TARS1: variants seen among roughly 807,000 people sequenced by gnomAD.
TARS1 encodes the protein threonine--tRNA ligase 1, cytoplasmic.
In TARS1, 57 loss-of-function variants were observed where a neutral mutation model predicts 97.7. The ratio of observed to expected loss-of-function variants is 0.58; its 90% CI spans 0.47 to 0.73. The LOEUF (loss-of-function observed/expected upper bound fraction) is 0.73. TARS1 is among the 30% of genes least tolerant of loss of function. The probability of loss-of-function intolerance (pLI) is 0.00; values close to 1 mark genes in which losing one functional copy is unlikely to be tolerated. For synonymous variants in TARS1, 312 were observed against 293.7 expected, an observed-to-expected ratio of 1.06 and a Z score of -0.64; for missense variants, 806 against 888.3, an observed-to-expected ratio of 0.91 and a Z score of 1.18.
chr5:33,460,708 T>C (rs972642600), intron 11 of TARS1, among the ~76,000 whole-genome samples, 194 bp from the exon 12 acceptor site: 2 of 152,250 alleles, frequency 1.3e-5, no homozygotes, highest in Admixed American at 1.3e-4. Context: ...CTGTGGTTCA[T>C]TGAGTTATAA....
At chr5:33,458,408 A>G (rs1158670786) in intron 9 of TARS1, among the ~76,000 whole-genome samples, 158 bp from the exon 10 acceptor site, 1 of 152,212 alleles carries the variant, frequency 6.6e-6, no homozygotes, top group Non-Finnish European at 1.5e-5. Context: ...CTATAACATC[A>G]GAAACACTGA....
Position 33,455,640 on chromosome 5 carries a change from T to C in TARS1, c.629T>C (p.Ile210Thr), listed in dbSNP as rs967459915. The C allele has an allele frequency of 6.2e-7, 1 of 1,613,150 alleles. No homozygotes were observed. The highest frequency in any genetic ancestry group is 8.5e-7 in the Non-Finnish European group (1 of 1,179,368). ...SSLEALCKKI[I>T]KEKQAFERLE... ...CTGGAGGCTTTGTGTAAGAAAATCA[T>C]TAAAGAAAAACAAGCTTTTGAAAGA... Residue 210 changes from isoleucine to threonine, a missense_variant, in exon 6 of 19, where the codon ATT becomes ACT. This residue lies in a region of TARS1 where 356 missense variants were observed against 357.8 expected (regional missense o/e 0.99). Transcript: ENST00000265112.
At chr5:33,456,637 CAA>C (rs1223767277) in intron 8 of TARS1, among the ~76,000 whole-genome samples, 7 of 152,246 alleles carry the variant, frequency 4.6e-5, no homozygotes, top group Non-Finnish European at 5.9e-5. Context: ...CACTTTAAAT[CAA>C]GAGAATAATT....
At chr5:33,454,923 C>T (rs764678424) in intron 4 of TARS1, 22 bp from the exon 5 acceptor site, 3 of 1,611,190 alleles carry the variant, frequency 1.9e-6, no homozygotes, top group African/African-American at 1.3e-5. Context: ...TCAGACCATG[C>T]CATTTTTCTT....
In TARS1 at chr5:33,463,777, G is replaced by A. The variant is rs1294250459; in HGVS notation, c.1860G>A (p.Gln620=). The A allele has an allele frequency of 6.2e-7, 1 of 1,612,530 alleles. No individual in the cohort carries two copies. The highest frequency in any genetic ancestry group is 2.2e-5 in the East Asian group (1 of 44,866). ...GKWPFWLSPR[Q]VMVVPVGPTC... ...GGCCCTTTTGGCTGTCCCCTCGCCA[G>A]GTAATGGTAGTTCCAGTGGGACCAA... is the stretch of plus-strand genomic sequence containing the variant. The change falls in exon 17 of 19, where the codon CAG becomes CAA. Residue 620 remains glutamine (Q), a synonymous_variant. Coordinates refer to ENST00000265112, the MANE Select transcript of TARS1 (RefSeq NM_152295.5).
rs367801998 is a variant in TARS1, at chr5:33,466,875, G to T, written c.1913G>T (p.Arg638Leu). The T allele has an allele frequency of 6.3e-6, 10 of 1,594,084 alleles. No homozygotes were observed. The East Asian group carries it at 1.8e-4, about 29-fold the overall frequency. Residue 638 changes from arginine (R) to leucine (L), a missense_variant, in exon 18 of 19, where the codon CGA (arginine) becomes CTA (leucine). Transcript: ENST00000265112. ...TCTGTATCTCTGTTACAATAGGTACGACAACAATTCCACGATGCCAAATTC... is the reference window on the plus strand; with the variant it reads ...TCTGTATCTCTGTTACAATAGGTACTACAACAATTCCACGATGCCAAATTC... ...PTCDEYAQKV[R>L]QQFHDAKFMA... is the part of the protein sequence containing the mutation.
intron 11 of TARS1, among the ~76,000 whole-genome samples, chr5:33,460,209 C>T (rs956397755): frequency 6.6e-6 from 1 of 152,048 alleles, no homozygotes. Context: ...TGGCCTCAAG[C>T]GGTCCTTCAA....
intron 18 of TARS1, 101 bp downstream of exon 18, chr5:33,467,086 G>A: frequency 2.1e-6 from 1 of 478,240 alleles, no homozygotes; most frequent in Non-Finnish European, 3.5e-6. Context: ...AATTTATTTA[G>A]TTCCTTCCAG....
In TARS1 at chr5:33,462,090, T is replaced by G. The variant is rs1298463035; in HGVS notation, c.1731-9T>G. ...TAATAAGACAAAACAATTTTTTTTT[T>G]CTTTATAGCCATGATGGTGATGATA... On this transcript the variant is annotated splice_polypyrimidine_tract_variant and intron_variant, in intron 15 of 18. Transcript: ENST00000265112. The G allele has an allele frequency of 3.1e-6, 5 of 1,608,028 alleles. No homozygotes were observed. The African/African-American group carries it at 6.7e-5, about 22-fold the overall frequency.
rs1742315413 is a variant in TARS1, at chr5:33,461,984, A to G, written c.1708A>G (p.Arg570Gly). 1.2e-6 allele frequency: 2 copies of G among 1,613,886 alleles called. No individual in the cohort carries two copies. Among genetic ancestry groups the G allele is most frequent in the African/African-American group, 1.3e-5 (1 of 74,930 alleles). ...CCAGCTGGATTTCCAGTTGCCCATC[A>G]GATTTAATCTTACTTATGTAAGGTG... Reference protein sequence around the residue: ...TIQLDFQLPIRFNLTYVSHDG... With the variant: ...TIQLDFQLPIGFNLTYVSHDG... The change falls in exon 15 of 19, where the codon AGA (arginine) becomes GGA (glycine). Residue 570 changes from arginine to glycine, a missense_variant. Physicochemically the swap from Arg to Gly is moderately radical, Grantham distance 125. Coordinates refer to ENST00000265112, the MANE Select transcript of TARS1 (RefSeq NM_152295.5).
At chr5:33,441,951 T>C (rs1239980383) in intron 1 of TARS1, 1 of 152,244 alleles carries the variant, frequency 6.6e-6, no homozygotes, top group Non-Finnish European at 1.5e-5. Flanking sequence ...AAAGGAACAG[T>C]AATCAGAAGG....
At chr5:33,459,592 A>T in intron 10 of TARS1, 103 bp from the exon 11 acceptor site, 1 of 1,354,366 alleles carries the variant, frequency 7.4e-7, no homozygotes, top group Non-Finnish European at 1.0e-6. Flanking sequence ...GCATGTGTCC[A>T]TCTTTTTCAT....
chr5:33,458,086 G>A (rs1742115834), intron 9 of TARS1, among the ~76,000 whole-genome samples: 1 of 151,968 alleles, frequency 6.6e-6, no homozygotes. Flanking sequence ...GAGGTAGGAG[G>A]GTGTGTTTCT....
rs1417787832 is a variant in TARS1 at position 33,467,894 on chromosome 5, GTTAA to G, written c.*191_*194del. 3 of 530,348 alleles carry G rather than the reference GTTAA, an allele frequency of 5.7e-6. No homozygotes were observed. Among genetic ancestry groups the G allele is most frequent in the Non-Finnish European group, 9.5e-6 (3 of 315,730 alleles). The allele number at this position is 530,348 out of a possible 1,614,324, so 32.9% of individuals were successfully genotyped here. On this transcript the variant is annotated 3_prime_UTR_variant, in exon 19 of 19. Transcript: ENST00000265112. ...TTTTAAACAATGTGCATTTGAAGGA[GTTAA>G]TTAAAAGAGAGCCAATAAAATGATT... is the stretch of plus-strand genomic sequence containing the variant.
At chr5:33,446,320 C>A (rs1313662783) in intron 2 of TARS1, 1 of 316,996 alleles carries the variant, frequency 3.2e-6, no homozygotes, top group Non-Finnish European at 6.3e-6. Flanking sequence ...GACCATTATA[C>A]CCCCACTGTA....
rs748580962 is a variant in TARS1, at chr5:33,466,885, C to G, written c.1923C>G (p.Phe641Leu). 1.9e-6 allele frequency: 3 copies of G among 1,596,678 alleles called. No individual in the cohort carries two copies. The highest frequency in any genetic ancestry group is 1.7e-6 in the Non-Finnish European group (2 of 1,172,632). ...DEYAQKVRQQ[F>L]HDAKFMADID... ...TGTTACAATAGGTACGACAACAATT[C>G]CACGATGCCAAATTCATGGCAGACA... Residue 641 changes from phenylalanine to leucine, a missense_variant, in exon 18 of 19, where the codon TTC becomes TTG. Phe to Leu is a conservative substitution (Grantham distance 22). Around this residue, in one of 3 missense-constraint regions of TARS1, gnomAD observed 446 missense variants for 511.0 expected, o/e 0.87. Coordinates refer to ENST00000265112, the MANE Select transcript of TARS1 (RefSeq NM_152295.5).
intron 8 of TARS1, among the ~76,000 whole-genome samples, chr5:33,456,778 G>A (rs1310884322): frequency 6.6e-6 from 1 of 152,094 alleles, no homozygotes; most frequent in Non-Finnish European, 1.5e-5. Context: ...AGTTTTGGGG[G>A]TATTGGGGTG....
intron 16 of TARS1, 64 bp from the exon 17 acceptor site, chr5:33,463,689 T>TA (rs1263185813): frequency 7.3e-7 from 1 of 1,370,192 alleles, no homozygotes. Flanking sequence ...GAGTAAGAAA[T>TA]ATGCTGTCCC....
At chr5:33,443,957 T>C (rs980753042) in intron 1 of TARS1, among the ~76,000 whole-genome samples, 1 of 151,890 alleles carries the variant, frequency 6.6e-6, no homozygotes, top group Non-Finnish European at 1.5e-5. Flanking sequence ...TATTTTAAAA[T>C]TAGTTTTTTT....
Sources: allele counts gnomAD v4.1 joint callset (sites outside exome capture counted in the v4.1 genomes callset), GRCh38; gene constraint gnomAD v4.1.1; regional missense constraint gnomAD v4.1.1; transcripts MANE v1.5; gene names NCBI Gene and HGNC (gene_info 2026-07-23, HGNC 2026-07-21).